HOMER1: variants seen among roughly 807,000 people sequenced by gnomAD.
HOMER1 encodes the protein homer scaffold protein 1.
HOMER1 carries 3 observed loss-of-function variants against 48.9 expected under a neutral mutation model. The observed-to-expected ratio is 0.06, with a 90% confidence interval of 0.03 to 0.16. The LOEUF (loss-of-function observed/expected upper bound fraction) is 0.16, where lower values mean the gene tolerates loss of function less well. HOMER1 is among the 10% of genes least tolerant of loss of function. HOMER1 has a pLI of 1.00. For missense variants in HOMER1, 247 were observed against 411.4 expected (o/e 0.60, Z 3.46); for synonymous variants, 134 against 146.4 (o/e 0.92, Z 0.61).
intron 1 of HOMER1, among the ~76,000 whole-genome samples, chr5:79,484,327 G>C (rs1752036514): frequency 6.6e-6 from 1 of 151,690 alleles, no homozygotes. Context: ...AAGAAGGAGA[G>C]GAATAAAGAA....
At chr5:79,384,242 A>C (rs530094513) in intron 8 of HOMER1, among the ~76,000 whole-genome samples, 2 of 152,262 alleles carry the variant, frequency 1.3e-5, no homozygotes, top group South Asian at 2.1e-4. Context: ...CTTTGAAAAG[A>C]TAAACAAAAT....
chr5:79,467,011 C>T (rs548472632), intron 1 of HOMER1, among the ~76,000 whole-genome samples: 1 of 152,108 alleles, frequency 6.6e-6, no homozygotes, highest in South Asian at 2.1e-4. Flanking sequence ...AGGATGGTCT[C>T]GATCTCTTGA....
intron 1 of HOMER1, among the ~76,000 whole-genome samples, chr5:79,498,732 C>A (rs1752491230): frequency 6.6e-6 from 1 of 152,202 alleles, no homozygotes; most frequent in Admixed American, 6.5e-5. Flanking sequence ...TATGGTCCAA[C>A]CTTCTCTTAC....
At chr5:79,399,417 G>A (rs533837039) in intron 6 of HOMER1, among the ~76,000 whole-genome samples, 7 of 152,336 alleles carry the variant, frequency 4.6e-5, no homozygotes, top group Non-Finnish European at 1.0e-4. Context: ...AACTGCGATG[G>A]TGCTCAACAG....
chr5:79,508,817 G>T (rs1384425634), intron 1 of HOMER1, among the ~76,000 whole-genome samples: 3 of 152,134 alleles, frequency 2.0e-5, no homozygotes, highest in Non-Finnish European at 4.4e-5. Context: ...TTAATTTTAG[G>T]CTTGACTGTC....
intron 8 of HOMER1, among the ~76,000 whole-genome samples, chr5:79,389,292 C>T (rs1408268219): frequency 1.3e-5 from 2 of 152,020 alleles, no homozygotes; most frequent in South Asian, 2.1e-4. Flanking sequence ...TTTAAATAAG[C>T]AAGATCTCAG....
rs184135518 is a variant in HOMER1 at position 79,427,161 on chromosome 5, T to C, written c.527+11849A>G. 2.6e-5 allele frequency among the ~76,000 whole-genome samples: 4 copies of C among 152,306 alleles called. No homozygotes were observed. In the East Asian group the frequency reaches 5.8e-4, roughly 22 times the overall value. The stretch of plus-strand genomic sequence containing the variant: ...GAACACTGTCTATGTAAAACAAGTA[T>C]TGACCATATAATTGGTCCTTTAAAA... On this transcript the variant is annotated intron_variant, in intron 5 of 8. Transcript: ENST00000334082.
At chr5:79,481,955 A>C (rs1181498743) in intron 1 of HOMER1, among the ~76,000 whole-genome samples, 1 of 152,232 alleles carries the variant, frequency 6.6e-6, no homozygotes, top group Admixed American at 6.5e-5. Context: ...ACGGTGGCTC[A>C]CACCTGTAAT....
intron 5 of HOMER1, among the ~76,000 whole-genome samples, chr5:79,432,164 G>A (rs577816436): frequency 1.3e-5 from 2 of 152,318 alleles, no homozygotes; most frequent in South Asian, 4.1e-4. Context: ...TTGGGTAAGA[G>A]GAAAGATGGC....
rs990985308 is a variant in HOMER1, at chr5:79,501,262, C to T, written c.5+11508G>A. On this transcript the variant is annotated intron_variant, in intron 1 of 8. Transcript: ENST00000334082. ...CTGGGATTACAGGCGTGAGCCACCA[C>T]GCCTGGCTCCTTTTCTTAATAACAC... 6.6e-5 allele frequency among the ~76,000 whole-genome samples: 10 copies of T among 152,190 alleles called. No individual in the cohort carries two copies. In the South Asian group the frequency reaches 1.0e-3, roughly 16 times the overall value.
intron 1 of HOMER1, among the ~76,000 whole-genome samples, chr5:79,468,485 C>G (rs926110550): frequency 6.6e-6 from 1 of 152,064 alleles, no homozygotes; most frequent in African/African-American, 2.4e-5. Context: ...TAAACTGTGT[C>G]AAAATATATA....
At chr5:79,386,643 A>T (rs571727695) in intron 8 of HOMER1, among the ~76,000 whole-genome samples, 1 of 152,222 alleles carries the variant, frequency 6.6e-6, no homozygotes, top group Non-Finnish European at 1.5e-5. Context: ...CAACACACAG[A>T]TAAGTACTCA....
chr5:79,461,732 T>C (rs1362206386), intron 1 of HOMER1, among the ~76,000 whole-genome samples: 2 of 152,122 alleles, frequency 1.3e-5, no homozygotes. Context: ...CTGGATAGCT[T>C]ACCATCTTTA....
chr5:79,392,956 A>AGAGAGAGAGG (rs1749291116), intron 8 of HOMER1, among the ~76,000 whole-genome samples: 1 of 13,708 alleles, frequency 7.3e-5, no homozygotes, highest in Admixed American at 9.5e-4. Context: ...AGGGAAAGGG[A>AGAGAGAGAGG]GAGAGAGAGA....
chr5:79,489,647 T>G (rs1042376209), intron 1 of HOMER1, among the ~76,000 whole-genome samples: 5 of 152,104 alleles, frequency 3.3e-5, no homozygotes, highest in Non-Finnish European at 7.4e-5. Flanking sequence ...AAATAAAACA[T>G]TAAAAAAATT....
intron 8 of HOMER1, among the ~76,000 whole-genome samples, chr5:79,395,285 C>G (rs1370407264): frequency 6.6e-6 from 1 of 152,170 alleles, no homozygotes; most frequent in African/African-American, 2.4e-5. Context: ...TTTCTTCCAG[C>G]CCTGATTCCA....
chr5:79,506,054 A>C (rs1468692346), intron 1 of HOMER1, among the ~76,000 whole-genome samples: 1 of 152,134 alleles, frequency 6.6e-6, no homozygotes, highest in East Asian at 1.9e-4. Context: ...AAAAAAATTA[A>C]ATTAATTCTA....
At chr5:79,437,656 C>G (rs1426389838) in intron 5 of HOMER1, among the ~76,000 whole-genome samples, 1 of 152,042 alleles carries the variant, frequency 6.6e-6, no homozygotes, top group African/African-American at 2.4e-5. Flanking sequence ...CTAAACAAAC[C>G]TTTTTTGTTT....
intron 1 of HOMER1, chr5:79,510,942 C>CG (rs1752925969): frequency 3.7e-6 from 2 of 538,440 alleles, no homozygotes; most frequent in East Asian, 5.8e-5. Context: ...TGCGACCCCC[C>CG]GCCAGGCTGC....
Sources: allele counts gnomAD v4.1 joint callset (sites outside exome capture counted in the v4.1 genomes callset), GRCh38; gene constraint gnomAD v4.1.1; transcripts MANE v1.5; gene names NCBI Gene and HGNC (gene_info 2026-07-23, HGNC 2026-07-21).